Variants in CUX1 observed in about 807,000 individuals in gnomAD.
CUX1 encodes protein CASP.
A neutral mutation model predicts 158.8 loss-of-function variants in CUX1; 31 were observed. That is an observed-to-expected ratio of 0.20 (90% confidence interval 0.15 to 0.26). The LOEUF (loss-of-function observed/expected upper bound fraction) is 0.26. Among genes scored for constraint, CUX1 ranks in the 10% least tolerant of loss-of-function variants. The probability of loss-of-function intolerance (pLI) is 1.00; values close to 1 mark genes in which losing one functional copy is unlikely to be tolerated. For missense variants in CUX1, 1,589 were observed against 2,014.6 expected (o/e 0.79, Z 4.04); for synonymous variants, 879 against 862.1 (o/e 1.02, Z -0.34).
intron 7 of CUX1, among the ~76,000 whole-genome samples, chr7:102,114,934 A>AAAGG (rs1831287855): frequency 6.6e-6 from 1 of 151,100 alleles, no homozygotes. Context: ...GGGAAAGAAG[A>AAAGG]AAGGAAGGGA....
intron 1 of CUX1, among the ~76,000 whole-genome samples, chr7:101,860,895 C>CCA (rs2131359291): frequency 1.3e-5 from 2 of 152,086 alleles, no homozygotes; most frequent in South Asian, 4.2e-4. Flanking sequence ...CAGCCTTGAC[C>CCA]TGGTAGTCTC....
intron 2 of CUX1, among the ~76,000 whole-genome samples, chr7:102,008,983 G>A (rs1817685944): frequency 6.6e-6 from 1 of 152,146 alleles, no homozygotes; most frequent in Non-Finnish European, 1.5e-5. Flanking sequence ...GGAGAGAAGG[G>A]AGGTACAGGG....
chr7:102,281,990 G>T, intron 21 of CUX1: 4 of 1,100,986 alleles, frequency 3.6e-6, no homozygotes, highest in Non-Finnish European at 5.6e-6. Flanking sequence ...GGCAGCAGGG[G>T]CCTGTTACGG....
rs150709094 is a variant in CUX1 at position 102,063,593 on chromosome 7, A to G, written c.190-6746A>G. 6.4e-4 allele frequency among the ~76,000 whole-genome samples: 98 copies of G among 152,096 alleles called. No individual in the cohort carries two copies. The East Asian group carries it at 0.015, about 23-fold the overall frequency. On this transcript the variant is annotated intron_variant, in intron 3 of 23. Transcript: ENST00000292535. ...TAGTCAAGAGAGACGAGGTTTCACC[A>G]TGTTGGCCAGGCTGGTCTCGAACTC... is the stretch of plus-strand genomic sequence containing the variant.
At chr7:102,075,818 C>T (rs1052516373) in intron 4 of CUX1, among the ~76,000 whole-genome samples, 2 of 152,212 alleles carry the variant, frequency 1.3e-5, no homozygotes, top group African/African-American at 4.8e-5. Flanking sequence ...ATTTACATGC[C>T]TGCATGGACA....
intron 2 of CUX1, among the ~76,000 whole-genome samples, chr7:102,001,385 C>T (rs1188961546): frequency 6.6e-5 from 10 of 152,116 alleles, no homozygotes; most frequent in African/African-American, 2.4e-4. Context: ...GCTCTCTTGC[C>T]CAGGCTGGAG....
intron 6 of CUX1, among the ~76,000 whole-genome samples, chr7:102,105,089 C>T (rs2130994954): frequency 6.6e-6 from 1 of 152,062 alleles, no homozygotes; most frequent in South Asian, 2.1e-4. Flanking sequence ...AGAGGAAAGC[C>T]CATTTCCCAG....
At chr7:102,236,192 C>T (rs530464716) in intron 22 of CUX1, among the ~76,000 whole-genome samples, 2 of 152,202 alleles carry the variant, frequency 1.3e-5, no homozygotes, top group Non-Finnish European at 2.9e-5. Flanking sequence ...AATATACATC[C>T]GCTGCCTCTG....
chr7:101,957,821 T>G (rs1470112378), intron 2 of CUX1, among the ~76,000 whole-genome samples: 1 of 152,210 alleles, frequency 6.6e-6, no homozygotes, highest in Non-Finnish European at 1.5e-5. Flanking sequence ...AGAGTCTTTT[T>G]GAAAGACTCT....
intron 15 of CUX1, 77 bp downstream of exon 15, chr7:102,197,382 G>T: frequency 6.9e-7 from 1 of 1,456,062 alleles, no homozygotes; most frequent in Non-Finnish European, 9.5e-7. Flanking sequence ...ATGCGTGCGT[G>T]TGTCTGTGTG....
intron 2 of CUX1, among the ~76,000 whole-genome samples, chr7:101,970,807 C>G (rs1175017951): frequency 6.6e-6 from 1 of 152,166 alleles, no homozygotes; most frequent in Non-Finnish European, 1.5e-5. Context: ...CCACCTGCCT[C>G]AGCCTCCCAA....
At chr7:101,864,484 G>C (rs146795527) in intron 1 of CUX1, among the ~76,000 whole-genome samples, 18 of 151,704 alleles carry the variant, frequency 1.2e-4, no homozygotes, top group Admixed American at 1.1e-3. Context: ...TTTTTTAATG[G>C]TAGACATCTT....
intron 1 of CUX1, among the ~76,000 whole-genome samples, chr7:101,862,022 A>G (rs974016446): frequency 2.6e-5 from 4 of 152,070 alleles, no homozygotes; most frequent in Non-Finnish European, 4.4e-5. Context: ...TTTAATAGAG[A>G]TGGGGTTTCA....
chr7:102,227,595 T>C lies in CUX1; in HGVS notation c.3359T>C (p.Val1120Ala). The C allele has an allele frequency of 6.2e-7, 1 of 1,614,082 alleles. No homozygotes were observed. ...GHSALSIQEL[V>A]AMSPELDTYG... ...TCGGCCCTCAGCATCCAAGAATTAG[T>C]AGCCATGTCCCCGGAGCTGGACACC... The change falls in exon 21 of 24, where the codon GTA (valine) becomes GCA (alanine). Residue 1120 changes from valine (V) to alanine (A), a missense_variant. Physicochemically the swap from Val to Ala is moderately conservative, Grantham distance 64. Around this residue, in one of 8 missense-constraint regions of CUX1, gnomAD observed 259 missense variants for 373.8 expected, o/e 0.69. Transcript: ENST00000292535.
intron 2 of CUX1, among the ~76,000 whole-genome samples, chr7:101,984,095 T>A (rs1331920854): frequency 0.38 from 7,825 of 20,560 alleles, 1,230 homozygotes; most frequent in African/African-American, 0.44. Flanking sequence ...AAAAAATATA[T>A]ATATATATAT....
rs368413087 is a variant in CUX1 at position 102,225,412 on chromosome 7, G to A, written c.3131-1955G>A. On this transcript the variant is annotated intron_variant, in intron 20 of 23. Transcript: ENST00000292535. ...GGTTAGTGTATCCTGGATACAGTATGTCCAGAAAAGGACTCTTAAGATAAA... is the reference window on the plus strand; with the variant it reads ...GGTTAGTGTATCCTGGATACAGTATATCCAGAAAAGGACTCTTAAGATAAA... Among the ~76,000 whole-genome samples, 33 of 152,326 alleles carry A rather than the reference G, an allele frequency of 2.2e-4. No homozygotes were observed. The East Asian group carries it at 2.7e-3, about 12-fold the overall frequency.
chr7:102,162,297 A>G (rs1380253046), intron 9 of CUX1, among the ~76,000 whole-genome samples: 4 of 151,980 alleles, frequency 2.6e-5, no homozygotes, highest in Non-Finnish European at 5.9e-5. Context: ...TGCTTCTGAG[A>G]CAGTCTTGCT....
At chr7:102,060,592 TACACACACACAAATAA>T (rs1824709647) in intron 3 of CUX1, among the ~76,000 whole-genome samples, 1 of 87,010 alleles carries the variant, frequency 1.1e-5, no homozygotes, top group South Asian at 4.0e-4. Context: ...TATATATATA[TACACACACACAAATAA>T]ACACACACAC....
intron 1 of CUX1, among the ~76,000 whole-genome samples, chr7:101,887,842 C>CCTTTTTTTTTTTTTTTTTTTTTTTT (rs1562966470): frequency 1.5e-5 from 2 of 135,038 alleles, no homozygotes. Flanking sequence ...ATGACGGTGA[C>CCTTTTTTTTTTTTTTTTTTTTTTTT]ATTTTTTTTT....
Sources: allele counts gnomAD v4.1 joint callset (sites outside exome capture counted in the v4.1 genomes callset), GRCh38; gene constraint gnomAD v4.1.1; regional missense constraint gnomAD v4.1.1; transcripts MANE v1.5; gene names NCBI Gene and HGNC (gene_info 2026-07-23, HGNC 2026-07-21).